The following UBXN4 variants were observed in gnomAD, a reference collection of about 807,000 sequenced individuals.
The protein encoded by UBXN4 is UBX domain-containing protein 4.
Under a neutral mutation model 66.2 loss-of-function variants are expected in UBXN4, and 35 were observed. That is an observed-to-expected ratio of 0.53 (90% CI 0.40 to 0.70). UBXN4 has a LOEUF of 0.70. Among genes scored for constraint, UBXN4 ranks in the 30% least tolerant of loss-of-function variants. The pLI is 0.00. For synonymous variants in UBXN4, 203 were observed against 204.5 expected (o/e 0.99, Z 0.06); for missense variants, 533 against 599.8 (o/e 0.89, Z 1.16).
chr2:135,766,490 CA>C, intron 6 of UBXN4, among the ~76,000 whole-genome samples: 1 of 152,132 alleles, frequency 6.6e-6, no homozygotes, highest in Non-Finnish European at 1.5e-5. Context: ...AAGGATTGTT[CA>C]TTGCATTTAG....
chr2:135,752,434 C>T (rs574060202), intron 2 of UBXN4, among the ~76,000 whole-genome samples: 1 of 152,320 alleles, frequency 6.6e-6, no homozygotes, highest in African/African-American at 2.4e-5. Context: ...CTGCCTTGAC[C>T]TCCCAAATTG....
intron 6 of UBXN4, among the ~76,000 whole-genome samples, chr2:135,766,393 G>A (rs1204170619): frequency 6.6e-6 from 1 of 152,206 alleles, no homozygotes; most frequent in Non-Finnish European, 1.5e-5. Context: ...GATACAGTAA[G>A]ATTATCTAAT....
chr2:135,759,714 T>C (rs1425377227), intron 5 of UBXN4, among the ~76,000 whole-genome samples: 2 of 151,988 alleles, frequency 1.3e-5, no homozygotes, highest in Non-Finnish European at 1.5e-5. Flanking sequence ...TTTTATTATA[T>C]TTGGATTTTT....
chr2:135,778,207 A>C (rs1239997557), intron 10 of UBXN4, among the ~76,000 whole-genome samples: 3 of 151,752 alleles, frequency 2.0e-5, no homozygotes, highest in Non-Finnish European at 4.4e-5. Flanking sequence ...AACCCAAAAA[A>C]CAAAAATTCC....
At chr2:135,766,421 TC>T (rs1370173169) in intron 6 of UBXN4, among the ~76,000 whole-genome samples, 1 of 152,228 alleles carries the variant, frequency 6.6e-6, no homozygotes, top group African/African-American at 2.4e-5. Context: ...TATTCAGATT[TC>T]CCAGTTGCTC....
In UBXN4 at chr2:135,778,987, A is replaced by G. The variant is rs573673269; in HGVS notation, c.1093A>G (p.Met365Val). The G allele has an allele frequency of 9.3e-6, 15 of 1,613,374 alleles. No homozygotes were observed. In the Admixed American group the frequency reaches 1.8e-4, roughly 20 times the overall value. ...TTACGGTAATTTTTCGTTAGCAACCATGTTTCCCAGGAGGGAATTTACCAA... is the reference window on the plus strand; with the variant it reads ...TTACGGTAATTTTTCGTTAGCAACCGTGTTTCCCAGGAGGGAATTTACCAA... ...NTYGNFSLATMFPRREFTKED... is the reference protein window; with the variant it reads ...NTYGNFSLATVFPRREFTKED... Residue 365 changes from methionine to valine, a missense_variant, in exon 11 of 13, where the codon ATG becomes GTG. Met to Val is a conservative substitution (Grantham distance 21, BLOSUM62 1). Coordinates refer to ENST00000272638, the MANE Select transcript of UBXN4 (RefSeq NM_014607.4).
Position 135,768,357 on chromosome 2 carries a change from C to T in UBXN4, c.603-1412C>T, listed in dbSNP as rs191981264. Among the ~76,000 whole-genome samples the T allele has an allele frequency of 2.5e-3, 377 of 151,308 alleles. 9 individuals are homozygous for T. The highest frequency in any genetic ancestry group is 0.02 in the Admixed American group (298 of 15,182). On this transcript the variant is annotated intron_variant, in intron 6 of 12. Coordinates refer to ENST00000272638, the MANE Select transcript of UBXN4 (RefSeq NM_014607.4). ...GGGATTACAGGCGCATGCCACCACACCTGGCTAATTTTTGTATTTTTAGTG... is the reference window on the plus strand; with the variant it reads ...GGGATTACAGGCGCATGCCACCACATCTGGCTAATTTTTGTATTTTTAGTG...
At chr2:135,765,491 A>G (rs1017987293) in intron 6 of UBXN4, among the ~76,000 whole-genome samples, 5 of 152,080 alleles carry the variant, frequency 3.3e-5, no homozygotes, top group Non-Finnish European at 7.4e-5. Context: ...AATTACGGGC[A>G]TGAGCCACCA....
intron 8 of UBXN4, among the ~76,000 whole-genome samples, chr2:135,772,139 G>A (rs2077387081): frequency 6.6e-6 from 1 of 151,488 alleles, no homozygotes. Flanking sequence ...GGGCAACAAA[G>A]TGAGACCCCA....
intron 6 of UBXN4, among the ~76,000 whole-genome samples, chr2:135,768,229 C>T (rs1426101105): frequency 1.3e-5 from 2 of 152,040 alleles, no homozygotes; most frequent in East Asian, 1.9e-4. Flanking sequence ...GATGGAGTCT[C>T]ACTTTGTTTC....
intron 5 of UBXN4, among the ~76,000 whole-genome samples, chr2:135,759,347 A>C (rs183383224): frequency 6.6e-6 from 1 of 152,298 alleles, no homozygotes; most frequent in Non-Finnish European, 1.5e-5. Context: ...TTTTGTCATC[A>C]ATTATCTAGG....
At chr2:135,778,817 C>T (rs1462014093) in intron 10 of UBXN4, 131 bp from the exon 11 acceptor site, 4 of 1,010,988 alleles carry the variant, frequency 4.0e-6, no homozygotes, top group Non-Finnish European at 5.4e-6. Context: ...CAATTTTATA[C>T]CTTTTTTTGA....
chr2:135,780,686 C>T (rs1320740232), intron 12 of UBXN4, among the ~76,000 whole-genome samples: 1 of 151,814 alleles, frequency 6.6e-6, no homozygotes, highest in African/African-American at 2.4e-5. Context: ...ATTTTTTTTT[C>T]TAGTAACCTC....
At chr2:135,769,962 T>C (rs2077373183) in intron 7 of UBXN4, 139 bp downstream of exon 7, 1 of 580,428 alleles carries the variant, frequency 1.7e-6, no homozygotes, top group Non-Finnish European at 2.7e-6. Context: ...AATTCCTGTT[T>C]TCTCTAGTAG....
chr2:135,749,864 A>G (rs556638570), intron 2 of UBXN4, among the ~76,000 whole-genome samples: 1 of 152,108 alleles, frequency 6.6e-6, no homozygotes, highest in South Asian at 2.1e-4. Context: ...TGCTCCTTGG[A>G]ATTTATATTT....
chr2:135,754,018 C>A, intron 3 of UBXN4, 141 bp from the exon 4 acceptor site: 1 of 632,654 alleles, frequency 1.6e-6, no homozygotes, highest in Non-Finnish European at 2.8e-6. Flanking sequence ...TATAATGATG[C>A]AGTACTTGAA....
Position 135,772,954 on chromosome 2 carries a change from G to A in UBXN4, c.950+407G>A, listed in dbSNP as rs1472428651. 3.4e-5 allele frequency among the ~76,000 whole-genome samples: 5 copies of A among 147,602 alleles called. No homozygotes were observed. The South Asian group carries it at 6.4e-4, about 19-fold the overall frequency. On this transcript the variant is annotated intron_variant, in intron 9 of 12. Coordinates refer to ENST00000272638, the MANE Select transcript of UBXN4 (RefSeq NM_014607.4). ...CGGGAGGCTGAGGCAGGAGAATGGC[G>A]TGAACCCGGGAGGCGGAGCTTGCAG...
At chr2:135,744,619 G>C (rs762758912) in intron 1 of UBXN4, among the ~76,000 whole-genome samples, 4 of 151,770 alleles carry the variant, frequency 2.6e-5, no homozygotes, top group Admixed American at 6.6e-5. Context: ...GTTTTGAGCA[G>C]TTGAGATTTA....
At chr2:135,757,952 C>A (rs1387941513) in intron 5 of UBXN4, among the ~76,000 whole-genome samples, 4 of 152,012 alleles carry the variant, frequency 2.6e-5, no homozygotes, top group African/African-American at 9.7e-5. Context: ...GCTCTGTCAC[C>A]CAGGCTGGAG....
Sources: allele counts gnomAD v4.1 joint callset (sites outside exome capture counted in the v4.1 genomes callset), GRCh38; gene constraint gnomAD v4.1.1; transcripts MANE v1.5; gene names NCBI Gene and HGNC (gene_info 2026-07-23, HGNC 2026-07-21).